The following PDE3A variants were observed in gnomAD, a reference collection of about 807,000 sequenced individuals.
PDE3A encodes cGMP-inhibited 3',5'-cyclic phosphodiesterase 3A.
In PDE3A, 43 loss-of-function variants were observed where a neutral mutation model predicts 98.3. That is an observed-to-expected ratio of 0.44 (90% CI 0.34 to 0.56). PDE3A has a LOEUF of 0.56. Ranked by LOEUF, PDE3A falls within the 20% of genes least tolerant of loss-of-function variation. The probability of loss-of-function intolerance (pLI) is 0.01; values close to 1 mark genes in which losing one functional copy is unlikely to be tolerated. For synonymous variants in PDE3A, 663 were observed against 567.9 expected (o/e 1.17, Z -2.38); for missense variants, 1,427 against 1,440.7 (o/e 0.99, Z 0.15).
chr12:20,589,440 C>T (rs1383924077), intron 2 of PDE3A, among the ~76,000 whole-genome samples: 1 of 152,102 alleles, frequency 6.6e-6, no homozygotes, highest in Non-Finnish European at 1.5e-5. Flanking sequence ...TCTTCCTAAC[C>T]TTCATCTGAA....
Position 20,369,500 on chromosome 12 carries a change from T to C in PDE3A, c.216T>C (p.Phe72=). 1 of 1,559,834 alleles carries C rather than the reference T, an allele frequency of 6.4e-7. No homozygotes were observed. The highest frequency in any genetic ancestry group is 8.7e-7 in the Non-Finnish European group (1 of 1,151,858). ...SSALCAGSLS[F]LLALLVRLVR... The stretch of plus-strand genomic sequence containing the variant: ...CGCTGTGCGCGGGCTCCCTGTCCTT[T>C]CTGCTGGCGCTGCTGGTGAGGCTGG... Residue 72 remains phenylalanine, a synonymous_variant, in exon 1 of 16, where the codon TTT becomes TTC. Transcript: ENST00000359062.
chr12:20,501,077 A>G (rs545843776), intron 1 of PDE3A, among the ~76,000 whole-genome samples: 44 of 152,268 alleles, frequency 2.9e-4, no homozygotes, highest in African/African-American at 9.9e-4. Context: ...CAAGGCTTTT[A>G]TTCTTTCACT....
rs964903000 is a variant in PDE3A at position 20,648,593 on chromosome 12, T to G, written c.2566-95T>G. On this transcript the variant is annotated intron_variant, in intron 12 of 15. Transcript: ENST00000359062. ...TACGTGATTACATTTCTTTGTTGTA[T>G]GAATAAAAAGCAATTTCAAAAGCAT... 5 of 790,678 alleles carry G rather than the reference T, an allele frequency of 6.3e-6. No homozygotes were observed. In the African/African-American group the frequency reaches 6.8e-5, roughly 11 times the overall value. 49.0% of individuals were successfully genotyped at this position (790,678 alleles called of 1,614,324 possible). A position where few individuals can be genotyped will look rare whatever the true frequency, so the allele number is the denominator to read the frequency against.
At chr12:20,534,194 C>T (rs1941695317) in intron 1 of PDE3A, among the ~76,000 whole-genome samples, 1 of 152,132 alleles carries the variant, frequency 6.6e-6, no homozygotes, top group African/African-American at 2.4e-5. Context: ...TTTTGTTTCC[C>T]TCTAGAGAAT....
At chr12:20,506,126 G>A (rs1197681012) in intron 1 of PDE3A, among the ~76,000 whole-genome samples, 1 of 148,578 alleles carries the variant, frequency 6.7e-6, no homozygotes, top group African/African-American at 2.5e-5. Flanking sequence ...GTGTGTGTGT[G>A]TGTATGTGTG....
intron 1 of PDE3A, among the ~76,000 whole-genome samples, chr12:20,517,770 C>T (rs2121138606): frequency 6.6e-6 from 1 of 152,292 alleles, no homozygotes; most frequent in Middle Eastern, 3.4e-3. Flanking sequence ...GGGCCATTTT[C>T]TCTTATCCCT....
intron 1 of PDE3A, among the ~76,000 whole-genome samples, chr12:20,375,617 C>A (rs1943556429): frequency 6.6e-6 from 1 of 151,896 alleles, no homozygotes; most frequent in Non-Finnish European, 1.5e-5. Flanking sequence ...TCCATAAAGG[C>A]CTTTGATCAA....
chr12:20,668,675 C>T (rs1457817361), intron 15 of PDE3A, among the ~76,000 whole-genome samples: 2 of 150,192 alleles, frequency 1.3e-5, no homozygotes, highest in Non-Finnish European at 3.0e-5. Context: ...ACAGAAAGGA[C>T]ATCCACACCA....
chr12:20,506,708 C>T (rs56256297), intron 1 of PDE3A, among the ~76,000 whole-genome samples: 5,037 of 151,964 alleles, frequency 0.033, 120 homozygotes, highest in South Asian at 0.064. Flanking sequence ...TATGAATATA[C>T]ATAAAGTGGA....
chr12:20,419,866 GT>G (rs1408813894), intron 1 of PDE3A, among the ~76,000 whole-genome samples: 1 of 150,866 alleles, frequency 6.6e-6, no homozygotes, highest in Non-Finnish European at 1.5e-5. Context: ...AGCCTCTTGA[GT>G]AGCTGGGATT....
intron 1 of PDE3A, among the ~76,000 whole-genome samples, chr12:20,386,398 T>C (rs1943806552): frequency 6.6e-6 from 1 of 150,612 alleles, no homozygotes; most frequent in African/African-American, 2.4e-5. Flanking sequence ...TGTTGAGCTT[T>C]TTTTCATGTT....
intron 1 of PDE3A, among the ~76,000 whole-genome samples, chr12:20,412,564 C>G (rs1030961378): frequency 1.3e-5 from 2 of 152,082 alleles, no homozygotes; most frequent in Non-Finnish European, 2.9e-5. Context: ...ACAGACAAAA[C>G]CCACCTAAGT....
chr12:20,670,487 T>C (rs1945444429), intron 15 of PDE3A, among the ~76,000 whole-genome samples: 1 of 152,152 alleles, frequency 6.6e-6, no homozygotes, highest in African/African-American at 2.4e-5. Context: ...ACAGAAATTA[T>C]AACAAACTAT....
intron 2 of PDE3A, among the ~76,000 whole-genome samples, chr12:20,563,883 G>A (rs1942591604): frequency 6.6e-6 from 1 of 151,912 alleles, no homozygotes; most frequent in Non-Finnish European, 1.5e-5. Flanking sequence ...CTGCACTATT[G>A]GACAATTATT....
chr12:20,637,118 C>T lies in PDE3A; in HGVS notation c.2020C>T (p.Pro674Ser), dbSNP rs1419992113. 2 of 1,607,692 alleles carry T rather than the reference C, an allele frequency of 1.2e-6. No homozygotes were observed. The highest frequency in any genetic ancestry group is 8.5e-7 in the Non-Finnish European group (1 of 1,177,194). The change falls in exon 9 of 16, where the codon CCC becomes TCC. Residue 674 changes from proline (P) to serine (S), a missense_variant. This residue lies in a region of PDE3A where 1,012 missense variants were observed against 886.5 expected (regional missense o/e 1.14). Transcript: ENST00000359062. The part of the protein sequence containing the change: ...MMFLDKPILA[P>S]EPLVMDNLDS... ...ATTACAGGACAAACCAATTCTTGCT[C>T]CCGAACCTCTTGTCATGGATAACCT...
intron 2 of PDE3A, among the ~76,000 whole-genome samples, chr12:20,584,162 T>C (rs1943137184): frequency 6.6e-6 from 1 of 152,224 alleles, no homozygotes; most frequent in African/African-American, 2.4e-5. Flanking sequence ...ATCCTTGATT[T>C]TGCAGGTCCA....
At chr12:20,662,754 A>T (rs1388948319) in intron 15 of PDE3A, among the ~76,000 whole-genome samples, 1 of 152,228 alleles carries the variant, frequency 6.6e-6, no homozygotes, top group Non-Finnish European at 1.5e-5. Flanking sequence ...GAGCATAAAA[A>T]TTCAGAAAAT....
chr12:20,513,213 C>T (rs1201113424), intron 1 of PDE3A, among the ~76,000 whole-genome samples: 1 of 152,014 alleles, frequency 6.6e-6, no homozygotes, highest in Non-Finnish European at 1.5e-5. Context: ...TCATTCGATG[C>T]ATATATGTTT....
In PDE3A at chr12:20,685,626, A is replaced by G. The variant is rs1409322105; in HGVS notation, c.*5355A>G. ...GCTTTTGACATATGTTTAAGTCTCT[A>G]AAAGGAATCCACATTTTCTTTCCAG... On this transcript the variant is annotated 3_prime_UTR_variant, in exon 16 of 16. Transcript: ENST00000359062. Among the ~76,000 whole-genome samples, 1 of 152,060 alleles carries G rather than the reference A, an allele frequency of 6.6e-6. No individual in the cohort carries two copies. Among genetic ancestry groups the G allele is most frequent in the East Asian group, 1.9e-4 (1 of 5,188 alleles).
Sources: allele counts gnomAD v4.1 joint callset (sites outside exome capture counted in the v4.1 genomes callset), GRCh38; gene constraint gnomAD v4.1.1; regional missense constraint gnomAD v4.1.1; transcripts MANE v1.5; gene names NCBI Gene and HGNC (gene_info 2026-07-23, HGNC 2026-07-21).